The following CHID1 variants were observed in gnomAD, a reference collection of about 807,000 sequenced individuals.
CHID1 encodes the protein chitinase domain-containing protein 1.
In CHID1, 44 loss-of-function variants were observed where a neutral mutation model predicts 55.4. The observed-to-expected ratio is 0.79, with a 90% CI of 0.62 to 1.02. The LOEUF (loss-of-function observed/expected upper bound fraction) is 1.02, where lower values mean the gene tolerates loss of function less well. CHID1 is among the 50% of genes least tolerant of loss of function. The pLI is 0.00. For synonymous variants in CHID1, 216 were observed against 212.9 expected (o/e 1.01, Z -0.13); for missense variants, 491 against 515.3 (o/e 0.95, Z 0.46).
intron 1 of CHID1, among the ~76,000 whole-genome samples, chr11:906,570 T>C (rs1852231137): frequency 6.6e-6 from 1 of 152,070 alleles, no homozygotes; most frequent in Non-Finnish European, 1.5e-5. Flanking sequence ...GACCTGGCTC[T>C]CCCAGATGCT....
chr11:884,784 G>A (rs966925435), intron 8 of CHID1, among the ~76,000 whole-genome samples: 5 of 152,222 alleles, frequency 3.3e-5, no homozygotes, highest in African/African-American at 9.6e-5. Context: ...GGTCGGCTGC[G>A]GACACCTGTG....
At chr11:909,425 T>C (rs1852473476) in intron 1 of CHID1, among the ~76,000 whole-genome samples, 1 of 152,162 alleles carries the variant, frequency 6.6e-6, no homozygotes, top group Admixed American at 6.5e-5. Flanking sequence ...TGTAACAAGA[T>C]AAGGTGGAGC....
intron 10 of CHID1, among the ~76,000 whole-genome samples, chr11:873,372 C>T (rs1368028697): frequency 6.6e-6 from 1 of 152,086 alleles, no homozygotes; most frequent in East Asian, 1.9e-4. Flanking sequence ...CCCCAAGGAG[C>T]ATGGCTGGTG....
intron 8 of CHID1, among the ~76,000 whole-genome samples, chr11:886,352 G>T (rs1850395421): frequency 6.6e-6 from 1 of 151,820 alleles, no homozygotes; most frequent in Non-Finnish European, 1.5e-5. Flanking sequence ...CCAGCTACTT[G>T]GGGGGCTGAG....
chr11:903,159 G>A, intron 2 of CHID1, 48 bp from the exon 3 acceptor site: 1 of 1,581,786 alleles, frequency 6.3e-7, no homozygotes, highest in Non-Finnish European at 8.6e-7. Flanking sequence ...TGTCCACAGT[G>A]TAGAGCACAG....
chr11:913,371 G>A (rs187081601), upstream of CHID1, among the ~76,000 whole-genome samples: 1 of 152,242 alleles, frequency 6.6e-6, no homozygotes, highest in Non-Finnish European at 1.5e-5. Flanking sequence ...ACAACCTAAA[G>A]CACGCAAAAA....
chr11:893,860 G>A (rs544056717), intron 7 of CHID1, among the ~76,000 whole-genome samples: 45 of 151,820 alleles, frequency 3.0e-4, no homozygotes, highest in African/African-American at 7.5e-4. Context: ...AGCTGGGCAC[G>A]GTGGCTCACG....
At chr11:873,043 C>T (rs1849275992) in intron 10 of CHID1, among the ~76,000 whole-genome samples, 1 of 152,132 alleles carries the variant, frequency 6.6e-6, no homozygotes, top group African/African-American at 2.4e-5. Flanking sequence ...GACCCCAACC[C>T]CAGGAATCGC....
intron 8 of CHID1, among the ~76,000 whole-genome samples, chr11:889,707 G>A (rs761830051): frequency 6.6e-6 from 1 of 152,132 alleles, no homozygotes; most frequent in Non-Finnish European, 1.5e-5. Context: ...AGCCCTGAGG[G>A]AATGCCAGTC....
chr11:888,183 C>G (rs2134210528), intron 8 of CHID1, among the ~76,000 whole-genome samples: 1 of 152,380 alleles, frequency 6.6e-6, no homozygotes, highest in East Asian at 1.9e-4. Flanking sequence ...CGGCCGCAGG[C>G]TAAGAACGGT....
At chr11:881,400 G>T (rs1849909615) in intron 10 of CHID1, among the ~76,000 whole-genome samples, 2 of 150,542 alleles carry the variant, frequency 1.3e-5, no homozygotes, top group Admixed American at 6.6e-5. Flanking sequence ...GTGAGGGAAA[G>T]GACCACGTCG....
At chr11:874,009 G>A (rs1037727933) in intron 10 of CHID1, among the ~76,000 whole-genome samples, 13 of 152,072 alleles carry the variant, frequency 8.5e-5, no homozygotes, top group Non-Finnish European at 1.9e-4. Context: ...TGAGAAAGAT[G>A]TCCTTGGACC....
intron 3 of CHID1, among the ~76,000 whole-genome samples, chr11:902,700 C>T (rs531891739): frequency 6.6e-6 from 1 of 152,286 alleles, no homozygotes; most frequent in Non-Finnish European, 1.5e-5. Context: ...TTCCTGACCC[C>T]AGACGACCTG....
rs909146661 is a variant in CHID1 at position 882,122 on chromosome 11, C to T, written c.959+1026G>A. On this transcript the variant is annotated intron_variant, in intron 10 of 12. Transcript: ENST00000323578. ...TGGGCGGATCATGAGGTCAGGAGAT[C>T]GAGACCATCCTGGCTAATGCGGTGA... Among the ~76,000 whole-genome samples the T allele has an allele frequency of 3.9e-5, 6 of 152,028 alleles. No homozygotes were observed. The South Asian group carries it at 6.2e-4, about 16-fold the overall frequency.
chr11:878,104 T>C (rs1233915120), intron 10 of CHID1, among the ~76,000 whole-genome samples: 1 of 152,190 alleles, frequency 6.6e-6, no homozygotes, highest in Non-Finnish European at 1.5e-5. Context: ...GCCTTGGACT[T>C]CTCAGCCTCT....
At chr11:892,337 C>A (rs1455718008) in intron 8 of CHID1, among the ~76,000 whole-genome samples, 1 of 152,252 alleles carries the variant, frequency 6.6e-6, no homozygotes, top group Non-Finnish European at 1.5e-5. Context: ...CCAGGGCACA[C>A]AGCAGTGCTG....
At chr11:879,595 T>C (rs1162679252) in intron 10 of CHID1, among the ~76,000 whole-genome samples, 1 of 70,974 alleles carries the variant, frequency 1.4e-5, no homozygotes, top group Non-Finnish European at 2.8e-5. Flanking sequence ...GACGGCACCT[T>C]CATCTCATCT....
rs746496143 is a variant in CHID1 at position 900,927 on chromosome 11, C to T, written c.439+9G>A. 1.3e-5 allele frequency: 20 copies of T among 1,599,846 alleles called. No individual in the cohort carries two copies. The highest frequency in any genetic ancestry group is 4.1e-5 in the African/African-American group (3 of 74,036). On this transcript the variant is annotated intron_variant, in intron 5 of 12. Coordinates refer to ENST00000323578, the MANE Select transcript of CHID1 (RefSeq NM_023947.4). ...ATCAGGGCCTCCACTCCTGGCCTGC[C>T]GCACTTACCTATGTGCAGGCCCTTG...
chr11:875,559 T>C lies in CHID1; in HGVS notation c.960-5060A>G, dbSNP rs1179496165. The stretch of plus-strand genomic sequence containing the variant: ...TGGCTATCGGAGAGCGCTGGGGTGT[T>C]AGGAGAACACGGTGAGCATGAGGCC... On this transcript the variant is annotated intron_variant, in intron 10 of 12. Coordinates refer to ENST00000323578, the MANE Select transcript of CHID1 (RefSeq NM_023947.4). The surrounding 1 kb of genome is among the most constrained non-coding windows in gnomAD (Gnocchi z 4.7). 6.6e-6 allele frequency among the ~76,000 whole-genome samples: 1 copy of C among 152,140 alleles called. No individual in the cohort carries two copies. The highest frequency in any genetic ancestry group is 1.9e-4 in the East Asian group (1 of 5,178).
Sources: gnomAD v4.1 joint callset for allele counts (sites outside exome capture counted in the v4.1 genomes callset) on GRCh38, gnomAD v4.1.1 for gene constraint, Gnocchi (gnomAD v3.1) non-coding constraint, MANE v1.5 for transcripts, NCBI Gene and HGNC (gene_info 2026-07-23, HGNC 2026-07-21) for gene names.